SYNE1: variants seen among roughly 807,000 people sequenced by gnomAD.
SYNE1 encodes the protein spectrin repeat containing nuclear envelope protein 1.
Under a neutral mutation model 1,111.0 loss-of-function variants are expected in SYNE1, and 616 were observed. That is an observed-to-expected ratio of 0.55 (90% CI 0.52 to 0.59). SYNE1 has a LOEUF of 0.59. SYNE1 is among the 20% of genes least tolerant of loss of function. SYNE1 has a pLI of 0.00. For missense variants in SYNE1, 10,006 were observed against 10,417.0 expected (o/e 0.96, Z 1.72); for synonymous variants, 3,855 against 3,825.8 (o/e 1.01, Z -0.28).
At chr6:152,561,125 A>G (rs985529257) in intron 3 of SYNE1, among the ~76,000 whole-genome samples, 3 of 152,188 alleles carry the variant, frequency 2.0e-5, no homozygotes, top group Non-Finnish European at 2.9e-5. Context: ...AAAGGAATAC[A>G]TAGACTTTTG....
chr6:152,451,240 G>T, intron 25 of SYNE1, 35 bp from the exon 26 acceptor site: 1 of 1,601,330 alleles, frequency 6.2e-7, no homozygotes, highest in Non-Finnish European at 8.5e-7. Flanking sequence ...AAATTAGGAT[G>T]AAGTTCCTGA....
chr6:152,224,289 T>C (rs1236741900), intron 117 of SYNE1, among the ~76,000 whole-genome samples: 1 of 152,214 alleles, frequency 6.6e-6, no homozygotes, highest in Non-Finnish European at 1.5e-5. Context: ...CATTTAGTTA[T>C]ATACCAGCTA....
chr6:152,194,034 C>T (rs2073401405), intron 127 of SYNE1, among the ~76,000 whole-genome samples: 1 of 150,648 alleles, frequency 6.6e-6, no homozygotes, highest in East Asian at 2.0e-4. Flanking sequence ...AAAGGTATAG[C>T]TTATACAACA....
chr6:152,505,543 AAC>A (rs2099053360), intron 8 of SYNE1, 146 bp from the exon 9 acceptor site: 16 of 859,572 alleles, frequency 1.9e-5, no homozygotes, highest in Non-Finnish European at 2.8e-5. Context: ...AATTAAGGGA[AAC>A]AAAATTTTTA....
intron 64 of SYNE1, among the ~76,000 whole-genome samples, chr6:152,360,028 G>A (rs982048438): frequency 8.5e-5 from 13 of 152,196 alleles, no homozygotes; most frequent in African/African-American, 3.1e-4. Context: ...GGACTTTGCA[G>A]TGGTATCCCA....
In SYNE1 at chr6:152,330,989, G is replaced by T; in HGVS notation, c.13696C>A (p.His4566Asn). 6.2e-7 allele frequency: 1 copy of T among 1,614,124 alleles called. No individual in the cohort carries two copies. The highest frequency in any genetic ancestry group is 8.5e-7 in the Non-Finnish European group (1 of 1,180,026). The change falls in exon 78 of 146, where the codon CAT becomes AAT. Residue 4566 changes from histidine to asparagine, a missense_variant. This residue lies in a region of SYNE1 where 4,955 missense variants were observed against 5,017.2 expected (regional missense o/e 0.99). Transcript: ENST00000367255. ...GCTTTATCAAAATCTTCCTTAAAAT[G>T]CTTCCTAGAAACCAAATTCTTCTCT... ...ELEKNLVSRK[H>N]FKEDFDKACH... is the part of the protein sequence containing the mutation.
intron 4 of SYNE1, among the ~76,000 whole-genome samples, chr6:152,528,708 T>C (rs1354144548): frequency 6.6e-6 from 1 of 152,210 alleles, no homozygotes; most frequent in Admixed American, 6.5e-5. Context: ...TGCCAGTATA[T>C]GTTAGATATG....
At chr6:152,200,644 C>T (rs1005826106) in intron 127 of SYNE1, among the ~76,000 whole-genome samples, 1 of 152,146 alleles carries the variant, frequency 6.6e-6, no homozygotes, top group Non-Finnish European at 1.5e-5. Flanking sequence ...GATCTGTTTG[C>T]CTTGGCCTCC....
chr6:152,132,901 T>C (rs2056185756), intron 143 of SYNE1, among the ~76,000 whole-genome samples: 1 of 150,830 alleles, frequency 6.6e-6, no homozygotes, highest in Admixed American at 6.6e-5. Flanking sequence ...GTATACATAA[T>C]GGAGAATTCA....
chr6:152,350,824 A>G lies in SYNE1; in HGVS notation c.11581-54T>C, dbSNP rs1005842601. The stretch of plus-strand genomic sequence containing the variant: ...CTGCTCATCTCCGTGGACAAGATGA[A>G]TACATACATATTCCCATGGTATGCA... On this transcript the variant is annotated intron_variant, in intron 70 of 145. Transcript: ENST00000367255. 5.0e-6 allele frequency: 8 copies of G among 1,601,318 alleles called. No individual in the cohort carries two copies. The African/African-American group carries it at 1.1e-4, about 21-fold the overall frequency.
At chr6:152,454,904 A>T (rs1435750138) in intron 24 of SYNE1, among the ~76,000 whole-genome samples, 1 of 152,180 alleles carries the variant, frequency 6.6e-6, no homozygotes, top group Non-Finnish European at 1.5e-5. Context: ...ACCATTCATG[A>T]ACATTATGAC....
chr6:152,341,654 T>C (rs1398232905), intron 74 of SYNE1, among the ~76,000 whole-genome samples: 1 of 152,184 alleles, frequency 6.6e-6, no homozygotes, highest in Non-Finnish European at 1.5e-5. Context: ...ATGCCCATTG[T>C]AAGCGGATTC....
At chr6:152,369,387 G>C in intron 60 of SYNE1, 84 bp downstream of exon 60, 2 of 1,590,182 alleles carry the variant, frequency 1.3e-6, no homozygotes, top group East Asian at 4.5e-5. Context: ...TCTAACTCAA[G>C]GGTGCTGAGC....
At chr6:152,367,134 C>T in intron 62 of SYNE1, 84 bp downstream of exon 62, 1 of 1,522,846 alleles carries the variant, frequency 6.6e-7, no homozygotes, top group Middle Eastern at 1.7e-4. Flanking sequence ...AATGTGACAT[C>T]ATCACCCCAG....
At position 152,471,585 on chromosome 6, in the gene SYNE1, C is replaced by T. The variant is rs765558597; in HGVS notation, c.1632+12G>A. On this transcript the variant is annotated intron_variant, in intron 16 of 145. Transcript: ENST00000367255. ...CTCATAGGAATTCTCTGTCAAAGCA[C>T]GGGGGACTCACCACGTAGTTTTGTA... 16 of 1,613,348 alleles carry T rather than the reference C, an allele frequency of 9.9e-6. No homozygotes were observed. The highest frequency in any genetic ancestry group is 1.3e-5 in the African/African-American group (1 of 74,868).
chr6:152,530,344 A>C (rs1040168962), intron 4 of SYNE1, among the ~76,000 whole-genome samples: 11 of 152,182 alleles, frequency 7.2e-5, no homozygotes, highest in Non-Finnish European at 1.3e-4. Context: ...TTAGTGTGTA[A>C]ACACTATTCT....
Position 152,517,743 on chromosome 6 carries a change from C to T in SYNE1, c.309+2716G>A, listed in dbSNP as rs62427699. 8.5e-3 allele frequency among the ~76,000 whole-genome samples: 1,290 copies of T among 152,202 alleles called. 9 individuals carry two copies. The highest frequency in any genetic ancestry group is 0.017 in the Middle Eastern group (5 of 294). On this transcript the variant is annotated intron_variant, in intron 6 of 145. Transcript: ENST00000367255. Reference sequence around the variant, plus strand: ...AAAAGCAAAATGCATTTATGGTATGCTATCCTTCATGTAAGAAAGACGGGG... The same window carrying T: ...AAAAGCAAAATGCATTTATGGTATGTTATCCTTCATGTAAGAAAGACGGGG...
intron 130 of SYNE1, among the ~76,000 whole-genome samples, chr6:152,166,337 G>A (rs2063651216): frequency 6.6e-6 from 1 of 152,134 alleles, no homozygotes; most frequent in South Asian, 2.1e-4. Context: ...AATATTCTAA[G>A]CGAATTGTGT....
chr6:152,312,223 TTC>T (rs1491530059), intron 87 of SYNE1, among the ~76,000 whole-genome samples: 6,130 of 34,652 alleles, frequency 0.18, 210 homozygotes, highest in East Asian at 0.44. Context: ...TTTTTTTTTT[TTC>T]TGAGACGGAG....
Sources: allele counts gnomAD v4.1 joint callset (sites outside exome capture counted in the v4.1 genomes callset), GRCh38; gene constraint gnomAD v4.1.1; regional missense constraint gnomAD v4.1.1; transcripts MANE v1.5; gene names NCBI Gene and HGNC (gene_info 2026-07-23, HGNC 2026-07-21).